PREX2: variants seen among roughly 807,000 people sequenced by gnomAD.
PREX2 encodes the protein phosphatidylinositol 3,4,5-trisphosphate-dependent Rac exchanger 2 protein.
In PREX2, 107 loss-of-function variants were observed where a neutral mutation model predicts 203.2. The ratio of observed to expected loss-of-function variants is 0.53; its 90% CI spans 0.45 to 0.62. PREX2 has a LOEUF of 0.62. Ranked by LOEUF, PREX2 falls within the 20% of genes least tolerant of loss-of-function variation. The pLI, the probability that PREX2 is intolerant of heterozygous loss-of-function variation, is 0.00. For synonymous variants in PREX2, 672 were observed against 663.6 expected, an observed-to-expected ratio of 1.01 and a Z score of -0.19; for missense variants, 1,777 against 1,955.9, an observed-to-expected ratio of 0.91 and a Z score of 1.72.
chr8:68,153,957 T>C (rs1303581864), intron 34 of PREX2, among the ~76,000 whole-genome samples: 1 of 152,268 alleles, frequency 6.6e-6, no homozygotes, highest in Non-Finnish European at 1.5e-5. Context: ...TAAAATTATA[T>C]TAAATTATGT....
At chr8:67,997,240 T>C (rs1316190035) in intron 1 of PREX2, among the ~76,000 whole-genome samples, 1 of 152,138 alleles carries the variant, frequency 6.6e-6, no homozygotes, top group Non-Finnish European at 1.5e-5. Context: ...TGTTTCTCTC[T>C]TCTTTTTTTT....
intron 4 of PREX2, among the ~76,000 whole-genome samples, chr8:68,026,768 T>A (rs1164282252): frequency 6.6e-6 from 1 of 152,146 alleles, no homozygotes; most frequent in African/African-American, 2.4e-5. Flanking sequence ...AATTCTGAAA[T>A]CAACCCAAGT....
At chr8:68,054,324 C>A in intron 9 of PREX2, among the ~76,000 whole-genome samples, 1 of 150,930 alleles carries the variant, frequency 6.6e-6, no homozygotes, top group Admixed American at 6.6e-5. Flanking sequence ...GTGAATCAAA[C>A]TTTCAATCAA....
At chr8:68,108,465 G>A in intron 24 of PREX2, 134 bp downstream of exon 24, 1 of 646,478 alleles carries the variant, frequency 1.5e-6, no homozygotes, top group East Asian at 2.7e-5. Flanking sequence ...AGGATTTCTT[G>A]CTGTAATCAT....
chr8:68,133,192 A>C (rs1172236650), intron 31 of PREX2, among the ~76,000 whole-genome samples: 1 of 152,156 alleles, frequency 6.6e-6, no homozygotes, highest in African/African-American at 2.4e-5. Flanking sequence ...TGCCATGTAT[A>C]AAACCATCAG....
At chr8:68,115,289 A>G (rs989515321) in intron 25 of PREX2, among the ~76,000 whole-genome samples, 1 of 152,098 alleles carries the variant, frequency 6.6e-6, no homozygotes, top group African/African-American at 2.4e-5. Flanking sequence ...TGGCCTCCCA[A>G]AGTGCTGGGA....
intron 35 of PREX2, among the ~76,000 whole-genome samples, chr8:68,171,109 T>C (rs745797056): frequency 2.6e-5 from 4 of 152,170 alleles, no homozygotes; most frequent in Non-Finnish European, 5.9e-5. Context: ...TATTTTTGCA[T>C]GAAGTGACAA....
chr8:68,201,832 C>T (rs1812508050), intron 37 of PREX2, among the ~76,000 whole-genome samples: 1 of 150,996 alleles, frequency 6.6e-6, no homozygotes, highest in South Asian at 2.1e-4. Flanking sequence ...ACCAGGTCTT[C>T]TAACATATTC....
chr8:68,158,288 C>T (rs1350796844), intron 35 of PREX2, among the ~76,000 whole-genome samples: 1 of 151,544 alleles, frequency 6.6e-6, no homozygotes, highest in Admixed American at 6.6e-5. Context: ...CTATCTTGAG[C>T]CTTAATAAAT....
rs193263531 is a variant in PREX2, at chr8:68,113,078, A to G, written c.3147-2675A>G. On this transcript the variant is annotated intron_variant, in intron 25 of 39. Transcript: ENST00000288368. ...GGTAACTTAATATTTTATACCAATG[A>G]AAGTGAAGGGATTTCTGCAAGCACA... 5.3e-5 allele frequency among the ~76,000 whole-genome samples: 8 copies of G among 152,304 alleles called. No homozygotes were observed. The East Asian group carries it at 1.4e-3, about 26-fold the overall frequency.
At chr8:68,225,232 T>A (rs1289156593) in intron 39 of PREX2, among the ~76,000 whole-genome samples, 2 of 152,196 alleles carry the variant, frequency 1.3e-5, no homozygotes, top group African/African-American at 2.4e-5. Context: ...ACATCAAATA[T>A]CTGAACAGAT....
At chr8:68,134,313 C>A in intron 32 of PREX2, 37 bp downstream of exon 32, 1 of 1,468,166 alleles carries the variant, frequency 6.8e-7, no homozygotes, top group Non-Finnish European at 9.5e-7. Context: ...TCTGTGTCAA[C>A]TGTAACCTGC....
chr8:68,201,432 G>T (rs1290574706), intron 37 of PREX2, among the ~76,000 whole-genome samples: 1 of 152,160 alleles, frequency 6.6e-6, no homozygotes, highest in African/African-American at 2.4e-5. Context: ...TAGGCCGTCT[G>T]CAAGCTGAGG....
intron 7 of PREX2, among the ~76,000 whole-genome samples, chr8:68,044,075 A>G (rs1327716893): frequency 1.3e-5 from 2 of 152,112 alleles, no homozygotes; most frequent in African/African-American, 4.8e-5. Context: ...AAGAGGGATC[A>G]TAAGTAATAA....
chr8:68,146,703 G>T (rs939669318), intron 34 of PREX2, among the ~76,000 whole-genome samples: 1 of 152,066 alleles, frequency 6.6e-6, no homozygotes, highest in Admixed American at 6.6e-5. Flanking sequence ...TATGCATGCA[G>T]ATTATTAAAC....
chr8:68,203,268 C>T (rs1256901519), intron 37 of PREX2, among the ~76,000 whole-genome samples: 3 of 152,112 alleles, frequency 2.0e-5, no homozygotes, highest in South Asian at 2.1e-4. Context: ...AGAGGAGTAT[C>T]GATGATTCTG....
intron 7 of PREX2, among the ~76,000 whole-genome samples, chr8:68,041,811 T>C (rs1312998303): frequency 1.3e-5 from 2 of 152,086 alleles, no homozygotes; most frequent in African/African-American, 4.8e-5. Flanking sequence ...ATTGATCCCA[T>C]CTTTATCTAT....
intron 8 of PREX2, among the ~76,000 whole-genome samples, chr8:68,046,988 G>C (rs537348603): frequency 1.3e-5 from 2 of 152,022 alleles, no homozygotes; most frequent in Non-Finnish European, 2.9e-5. Context: ...AATGAGGCCA[G>C]GTTTAAGAAC....
intron 30 of PREX2, among the ~76,000 whole-genome samples, chr8:68,122,107 A>G (rs1317674883): frequency 9.2e-5 from 14 of 152,092 alleles, no homozygotes; most frequent in Non-Finnish European, 1.5e-5. Flanking sequence ...ATGGAGTCTG[A>G]GTTAGTCACT....
Sources: gnomAD v4.1 joint callset for allele counts (sites outside exome capture counted in the v4.1 genomes callset) on GRCh38, gnomAD v4.1.1 for gene constraint, MANE v1.5 for transcripts, NCBI Gene and HGNC (gene_info 2026-07-23, HGNC 2026-07-21) for gene names.